The following IL1RAPL2 variants were observed in gnomAD, a reference collection of about 807,000 sequenced individuals.
The protein encoded by IL1RAPL2 is X-linked interleukin-1 receptor accessory protein-like 2.
Under a neutral mutation model 44.1 loss-of-function variants are expected in IL1RAPL2, and 3 were observed. The ratio of observed to expected loss-of-function variants is 0.07; its 90% CI spans 0.03 to 0.18. The LOEUF is 0.18. IL1RAPL2 is among the 10% of genes least tolerant of loss of function. The probability of loss-of-function intolerance (pLI) is 1.00; values close to 1 mark genes in which losing one functional copy is unlikely to be tolerated. For missense variants in IL1RAPL2, 391 were observed against 496.4 expected (o/e 0.79, Z 2.02); for synonymous variants, 181 against 178.8 (o/e 1.01, Z -0.10).
At chrX:105,740,095 G>A (rs1439858545) in intron 7 of IL1RAPL2, among the ~76,000 whole-genome samples, 1 of 109,035 alleles carries the variant, frequency 9.2e-6, no homozygotes, top group Non-Finnish European at 1.9e-5. Flanking sequence ...TTCTCTGATG[G>A]CCAGTGATGA....
chrX:105,032,612 C>A (rs2031529651), intron 2 of IL1RAPL2, among the ~76,000 whole-genome samples: 1 of 111,644 alleles, frequency 9.0e-6, no homozygotes, highest in African/African-American at 3.3e-5. Context: ...AATTTCTGTT[C>A]TTTTACATTT....
chrX:105,631,101 A>C (rs1437204590), intron 6 of IL1RAPL2, among the ~76,000 whole-genome samples: 1 of 111,624 alleles, frequency 9.0e-6, no homozygotes, highest in East Asian at 2.8e-4. Flanking sequence ...AATCTCCAGA[A>C]AATCAGCCAG....
rs1308531978 is a variant in IL1RAPL2 at position 104,983,501 on chromosome X, ATAT to A, written c.83-211970_83-211968del. Among the ~76,000 whole-genome samples, 6 of 99,179 alleles carry A rather than the reference ATAT, an allele frequency of 6.0e-5. No individual in the cohort carries two copies. In the East Asian group the frequency reaches 8.7e-4, roughly 14 times the overall value. The allele number at this position is 99,179 out of a possible 115,157, so 86.1% of individuals were successfully genotyped here. A position where few individuals can be genotyped will look rare whatever the true frequency, so the allele number is the denominator to read the frequency against. ...TATATAATATTATATTAGATACATA[ATAT>A]TATATAATATTATATTAGATACATA... On this transcript the variant is annotated intron_variant, in intron 2 of 10. Transcript: ENST00000372582.
chrX:105,516,602 T>C (rs1457518252), intron 6 of IL1RAPL2, among the ~76,000 whole-genome samples: 1 of 112,078 alleles, frequency 8.9e-6, no homozygotes, highest in Non-Finnish European at 1.9e-5. Flanking sequence ...AAAATCTCTT[T>C]GAAAACAGAA....
intron 2 of IL1RAPL2, among the ~76,000 whole-genome samples, chrX:104,884,591 G>T (rs1217447357): frequency 1.8e-5 from 2 of 110,135 alleles, no homozygotes; most frequent in Non-Finnish European, 3.8e-5. Context: ...ATTTTTTTCT[G>T]CACTATGGCC....
chrX:105,404,241 G>A (rs2035626375), intron 5 of IL1RAPL2, among the ~76,000 whole-genome samples: 1 of 111,732 alleles, frequency 8.9e-6, no homozygotes, highest in Non-Finnish European at 1.9e-5. Flanking sequence ...CAAACTGTCA[G>A]CTTCATCCTT....
chrX:105,378,037 A>T (rs1482113276), intron 5 of IL1RAPL2, among the ~76,000 whole-genome samples: 2 of 112,075 alleles, frequency 1.8e-5, no homozygotes, highest in Admixed American at 1.9e-4. Flanking sequence ...ATGGAATAAC[A>T]GTCTCTCCAA....
At chrX:105,507,460 T>C (rs2036438969) in intron 6 of IL1RAPL2, among the ~76,000 whole-genome samples, 1 of 111,558 alleles carries the variant, frequency 9.0e-6, no homozygotes, top group African/African-American at 3.3e-5. Context: ...GATAAATCTG[T>C]CTTATTACTC....
At chrX:105,204,023 TCTAAA>T (rs1364979700) in intron 3 of IL1RAPL2, among the ~76,000 whole-genome samples, 1 of 111,978 alleles carries the variant, frequency 8.9e-6, no homozygotes, top group East Asian at 2.8e-4. Flanking sequence ...GTTCTCATAC[TCTAAA>T]CTAATAGGTT....
intron 6 of IL1RAPL2, among the ~76,000 whole-genome samples, chrX:105,489,714 T>G (rs941720358): frequency 9.4e-6 from 1 of 105,881 alleles, no homozygotes; most frequent in Non-Finnish European, 1.9e-5. Flanking sequence ...CTTTCCTTCC[T>G]TCCTTCCTTC....
At chrX:105,543,442 A>C (rs915156408) in intron 6 of IL1RAPL2, among the ~76,000 whole-genome samples, 1 of 112,273 alleles carries the variant, frequency 8.9e-6, no homozygotes, top group African/African-American at 3.2e-5. Context: ...TGGCTTCCTC[A>C]TCCATTCATA....
chrX:104,766,603 C>G (rs1192949402), intron 2 of IL1RAPL2, among the ~76,000 whole-genome samples: 2 of 112,075 alleles, frequency 1.8e-5, no homozygotes, highest in Admixed American at 1.9e-4. Context: ...GTAATTTGCA[C>G]ATATTGACTG....
At chrX:105,294,479 A>G (rs2034639870) in intron 5 of IL1RAPL2, among the ~76,000 whole-genome samples, 1 of 112,244 alleles carries the variant, frequency 8.9e-6, no homozygotes, top group Admixed American at 9.5e-5. Context: ...ACTGCCTTTC[A>G]TGGTCTGTTT....
intron 6 of IL1RAPL2, among the ~76,000 whole-genome samples, chrX:105,544,071 A>G (rs2036767988): frequency 9.0e-6 from 1 of 111,580 alleles, no homozygotes; most frequent in Non-Finnish European, 1.9e-5. Context: ...TTCCATTTGT[A>G]TATATTTTCT....
chrX:104,830,812 T>C (rs1921584970), intron 2 of IL1RAPL2, among the ~76,000 whole-genome samples: 1 of 112,344 alleles, frequency 8.9e-6, no homozygotes, highest in South Asian at 3.6e-4. Flanking sequence ...TTCTTTTATG[T>C]CCTGTTACAG....
intron 6 of IL1RAPL2, among the ~76,000 whole-genome samples, chrX:105,610,957 A>G (rs1488144833): frequency 8.9e-6 from 1 of 111,927 alleles, no homozygotes; most frequent in Non-Finnish European, 1.9e-5. Flanking sequence ...ATAAGAAGTG[A>G]AATCTTCACA....
chrX:104,601,047 A>G (rs1300773300), intron 1 of IL1RAPL2, among the ~76,000 whole-genome samples: 1 of 111,980 alleles, frequency 8.9e-6, no homozygotes, highest in African/African-American at 3.2e-5. Context: ...ATGGGTTATT[A>G]GTAAATAACC....
At chrX:105,414,359 C>G (rs1044169421) in intron 5 of IL1RAPL2, among the ~76,000 whole-genome samples, 1 of 111,551 alleles carries the variant, frequency 9.0e-6, no homozygotes, top group Non-Finnish European at 1.9e-5. Context: ...CACTCCTGAC[C>G]TTGTGATCTG....
chrX:105,489,820 T>TCTCTCC (rs2036302067), intron 6 of IL1RAPL2, among the ~76,000 whole-genome samples: 1 of 102,365 alleles, frequency 9.8e-6, no homozygotes, highest in East Asian at 3.0e-4. Context: ...TCTCTCTCTC[T>TCTCTCC]CTTTCTTTTT....
Sources: gnomAD v4.1 joint callset for allele counts (sites outside exome capture counted in the v4.1 genomes callset) on GRCh38, gnomAD v4.1.1 for gene constraint, MANE v1.5 for transcripts, NCBI Gene and HGNC (gene_info 2026-07-23, HGNC 2026-07-21) for gene names.